DDAH1: variants seen among roughly 807,000 people sequenced by gnomAD.
DDAH1 encodes the protein dimethylarginine dimethylaminohydrolase 1.
Under a neutral mutation model 28.8 loss-of-function variants are expected in DDAH1, and 19 were observed. The observed-to-expected ratio is 0.66, with a 90% CI of 0.46 to 0.97. The LOEUF is 0.97. Ranked by LOEUF, DDAH1 falls within the 50% of genes least tolerant of loss-of-function variation. DDAH1 has a pLI of 0.00. For synonymous variants in DDAH1, 153 were observed against 154.4 expected, an observed-to-expected ratio of 0.99 and a Z score of 0.07; for missense variants, 326 against 375.9, an observed-to-expected ratio of 0.87 and a Z score of 1.10.
intron 1 of DDAH1, among the ~76,000 whole-genome samples, chr1:85,546,021 C>G (rs1658612492): frequency 6.6e-6 from 1 of 151,956 alleles, no homozygotes; most frequent in South Asian, 2.1e-4. Flanking sequence ...TCCCAAACTT[C>G]TGCGGTGGTT....
intron 1 of DDAH1, among the ~76,000 whole-genome samples, chr1:85,564,485 C>A (rs934930267): frequency 6.6e-6 from 1 of 151,938 alleles, no homozygotes. Context: ...GTTTAAATTT[C>A]GTGAAAAATT....
At chr1:85,540,588 A>C (rs1346492644) in intron 1 of DDAH1, among the ~76,000 whole-genome samples, 1 of 152,188 alleles carries the variant, frequency 6.6e-6, no homozygotes, top group Non-Finnish European at 1.5e-5. Context: ...ATCTTTGTAC[A>C]ACTACCTCCA....
At chr1:85,358,112 C>G (rs2300640) in intron 2 of DDAH1, among the ~76,000 whole-genome samples, 23,115 of 151,994 alleles carry the variant, frequency 0.15, 2,141 homozygotes, top group Admixed American at 0.21. Context: ...CAATGGAAAA[C>G]GATGCAACTT....
intron 1 of DDAH1, among the ~76,000 whole-genome samples, chr1:85,547,438 T>C (rs961807465): frequency 6.6e-6 from 1 of 152,188 alleles, no homozygotes; most frequent in African/African-American, 2.4e-5. Context: ...ATTAGAACCT[T>C]AGTCCTGATT....
chr1:85,573,875 C>T (rs1206295566), intron 1 of DDAH1, among the ~76,000 whole-genome samples: 2 of 152,192 alleles, frequency 1.3e-5, no homozygotes, highest in Non-Finnish European at 1.5e-5. Flanking sequence ...GCCCAGGGTG[C>T]TGTTCCCTAC....
chr1:85,458,766 A>G (rs577889501), intron 1 of DDAH1, among the ~76,000 whole-genome samples: 1 of 152,278 alleles, frequency 6.6e-6, no homozygotes, highest in South Asian at 2.1e-4. Flanking sequence ...CAGAGGATTC[A>G]GTTATGTAAG....
chr1:85,427,784 AT>A (rs995105875), intron 1 of DDAH1, among the ~76,000 whole-genome samples: 8 of 151,500 alleles, frequency 5.3e-5, no homozygotes, highest in African/African-American at 1.5e-4. Context: ...TTGAGCATAC[AT>A]TTTTTTTTCT....
intron 1 of DDAH1, among the ~76,000 whole-genome samples, chr1:85,388,490 C>T (rs1026854550): frequency 1.3e-5 from 2 of 152,084 alleles, no homozygotes; most frequent in African/African-American, 2.4e-5. Context: ...TTCACAGTGA[C>T]CCATGAAAAA....
chr1:85,518,967 T>C (rs1234703971), intron 1 of DDAH1, among the ~76,000 whole-genome samples: 5 of 151,920 alleles, frequency 3.3e-5, no homozygotes, highest in Non-Finnish European at 7.4e-5. Flanking sequence ...AAGAATGAGA[T>C]AGAACTGTGT....
chr1:85,479,808 T>C (rs149677486), intron 2 of DDAH1, among the ~76,000 whole-genome samples: 29 of 152,338 alleles, frequency 1.9e-4, no homozygotes, highest in African/African-American at 6.5e-4. Flanking sequence ...TTCCATCTGT[T>C]TGGCCCTGCT....
In DDAH1 at chr1:85,464,739, T is replaced by C; in HGVS notation, c.303+4A>G. The C allele has an allele frequency of 1.3e-6, 2 of 1,526,724 alleles. No individual in the cohort carries two copies. The highest frequency in any genetic ancestry group is 2.5e-5 in the South Asian group (2 of 80,138). 94.6% of individuals were successfully genotyped at this position (1,526,724 alleles called of 1,614,324 possible). ...CCGGCCGCGCCCCTCGAGTCGGCAGTTACCTCCTTCCTCCGGCTCGGCGCC... is the reference window on the plus strand; with the variant it reads ...CCGGCCGCGCCCCTCGAGTCGGCAGCTACCTCCTTCCTCCGGCTCGGCGCC... On this transcript the variant is annotated splice_donor_region_variant and intron_variant, in intron 1 of 5. Transcript: ENST00000284031. The surrounding 1 kb of genome is among the most constrained non-coding windows in gnomAD (Gnocchi z 4.4).
chr1:85,467,313 C>T (rs1655423709), upstream of DDAH1: 1 of 152,204 alleles, frequency 6.6e-6, no homozygotes, highest in South Asian at 2.1e-4. Context: ...CTGAATATTT[C>T]ACCTACCACT....
At chr1:85,452,922 C>T (rs1422920759) in intron 1 of DDAH1, among the ~76,000 whole-genome samples, 2 of 152,074 alleles carry the variant, frequency 1.3e-5, no homozygotes, top group Non-Finnish European at 2.9e-5. Flanking sequence ...TTTGATAATC[C>T]ACAATACCAC....
rs555703840 is a variant in DDAH1, at chr1:85,557,170, C to T, written c.-123+20814G>A. ...GCTTCCTCACCAGAAATAAGACCAA[C>T]ATCTAGATTCAGGGGAAAATCTCTC... On this transcript the variant is annotated intron_variant, in intron 1 of 6. Coordinates refer to the DDAH1 transcript ENST00000426972. Among the ~76,000 whole-genome samples the T allele has an allele frequency of 3.3e-5, 5 of 152,248 alleles. No individual in the cohort carries two copies. The East Asian group carries it at 7.7e-4, about 23-fold the overall frequency.
At chr1:85,499,929 A>G (rs1203002921) in intron 1 of DDAH1, among the ~76,000 whole-genome samples, 1 of 152,158 alleles carries the variant, frequency 6.6e-6, no homozygotes, top group Non-Finnish European at 1.5e-5. Context: ...CTGAGTTTCT[A>G]CCTGGTATCA....
chr1:85,378,755 C>CCTATTCTATT (rs1191465341), intron 1 of DDAH1, among the ~76,000 whole-genome samples: 6 of 152,054 alleles, frequency 3.9e-5, no homozygotes, highest in African/African-American at 1.4e-4. Context: ...AACGAAATGC[C>CCTATTCTATT]CTATTCTATT....
chr1:85,471,737 A>G (rs1655627092), intron 2 of DDAH1, among the ~76,000 whole-genome samples: 1 of 152,232 alleles, frequency 6.6e-6, no homozygotes, highest in Non-Finnish European at 1.5e-5. Context: ...CCTTCAAATG[A>G]GATAACATAA....
At chr1:85,424,103 A>C (rs1653280032) in intron 1 of DDAH1, among the ~76,000 whole-genome samples, 1 of 152,166 alleles carries the variant, frequency 6.6e-6, no homozygotes. Context: ...ATATATTATT[A>C]GATTCAATTT....
intron 1 of DDAH1, among the ~76,000 whole-genome samples, chr1:85,505,988 A>G (rs2100744943): frequency 6.6e-6 from 1 of 152,342 alleles, no homozygotes; most frequent in East Asian, 1.9e-4. Flanking sequence ...ACTTTACACC[A>G]GACACTGTGA....
Sources: gnomAD v4.1 joint callset for allele counts (sites outside exome capture counted in the v4.1 genomes callset) on GRCh38, gnomAD v4.1.1 for gene constraint, Gnocchi (gnomAD v3.1) non-coding constraint, MANE v1.5 for transcripts, NCBI Gene and HGNC (gene_info 2026-07-23, HGNC 2026-07-21) for gene names.